The following GALNT9 variants were observed in gnomAD, a reference collection of about 807,000 sequenced individuals.
GALNT9 encodes the protein GalNAc transferase 9.
In GALNT9, 47 loss-of-function variants were observed where a neutral mutation model predicts 63.1. The observed-to-expected ratio is 0.75, with a 90% CI of 0.59 to 0.95. The LOEUF (loss-of-function observed/expected upper bound fraction) is 0.95, where lower values mean the gene tolerates loss of function less well. Among genes scored for constraint, GALNT9 ranks in the 40% least tolerant of loss-of-function variants. GALNT9 has a pLI of 0.00. For synonymous variants in GALNT9, 396 were observed against 365.7 expected, an observed-to-expected ratio of 1.08 and a Z score of -0.94; for missense variants, 829 against 874.8, an observed-to-expected ratio of 0.95 and a Z score of 0.66.
At chr12:132,292,666 G>T (rs1555242899) in intron 1 of GALNT9, among the ~76,000 whole-genome samples, 1 of 152,224 alleles carries the variant, frequency 6.6e-6, no homozygotes, top group Non-Finnish European at 1.5e-5. Context: ...CGGACACCAG[G>T]CTCCACTGCC....
At chr12:132,262,898 G>T (rs557213182) in intron 2 of GALNT9, among the ~76,000 whole-genome samples, 1 of 152,196 alleles carries the variant, frequency 6.6e-6, no homozygotes, top group South Asian at 2.1e-4. Context: ...CGCCAAGGGT[G>T]TACGGGGGCC....
At chr12:132,293,357 C>T (rs1353770996) in intron 1 of GALNT9, among the ~76,000 whole-genome samples, 1 of 152,248 alleles carries the variant, frequency 6.6e-6, no homozygotes, top group African/African-American at 2.4e-5. Context: ...CCTCTGGCCA[C>T]AGGCTTTCCC....
At chr12:132,239,473 CAAAG>C (rs1878146020) in intron 6 of GALNT9, among the ~76,000 whole-genome samples, 2 of 141,160 alleles carry the variant, frequency 1.4e-5, no homozygotes, top group South Asian at 4.6e-4. Flanking sequence ...GACAGAGAGA[CAAAG>C]AGACAGAGAT....
chr12:132,237,434 CCTG>C (rs2136895397), intron 6 of GALNT9, among the ~76,000 whole-genome samples: 2 of 152,012 alleles, frequency 1.3e-5, no homozygotes, highest in Non-Finnish European at 2.9e-5. Context: ...CCTTCTGACA[CCTG>C]CTTTTACCTG....
intron 6 of GALNT9, among the ~76,000 whole-genome samples, chr12:132,208,698 G>T (rs1461885229): frequency 6.6e-6 from 1 of 152,198 alleles, no homozygotes; most frequent in Non-Finnish European, 1.5e-5. Context: ...CCAGCTGAGA[G>T]CAGAGCCGCT....
chr12:132,213,849 C>A (rs894175771), intron 6 of GALNT9, among the ~76,000 whole-genome samples: 1 of 152,260 alleles, frequency 6.6e-6, no homozygotes, highest in South Asian at 2.1e-4. Context: ...AAAGAAAGAG[C>A]CTCGACTGCA....
Position 132,207,833 on chromosome 12 carries a change from C to T in GALNT9, c.1078-4143G>A, listed in dbSNP as rs369271769. Among the ~76,000 whole-genome samples, 17 of 152,254 alleles carry T rather than the reference C, an allele frequency of 1.1e-4. No individual in the cohort carries two copies. The East Asian group carries it at 1.4e-3, about 12-fold the overall frequency. Reference sequence around the variant, plus strand: ...GCCATTAGCTCAGGAGTGATAAAGTCGGAGAGTGAACCCCCATGCCCTCAG... The same window carrying T: ...GCCATTAGCTCAGGAGTGATAAAGTTGGAGAGTGAACCCCCATGCCCTCAG... On this transcript the variant is annotated intron_variant, in intron 6 of 10. Transcript: ENST00000328957.
intron 1 of GALNT9, among the ~76,000 whole-genome samples, chr12:132,290,364 C>A (rs146163392): frequency 0.021 from 3,219 of 152,264 alleles, 42 homozygotes; most frequent in Middle Eastern, 0.092. Context: ...CCCACCCCTG[C>A]GGCACCATGG....
intron 6 of GALNT9, among the ~76,000 whole-genome samples, chr12:132,216,300 CAG>C (rs1249096082): frequency 3.3e-5 from 5 of 152,212 alleles, no homozygotes; most frequent in African/African-American, 1.2e-4. Flanking sequence ...GACAGAGAGA[CAG>C]AGAGAGGGGC....
intron 6 of GALNT9, among the ~76,000 whole-genome samples, chr12:132,211,541 C>T (rs1483669636): frequency 6.6e-6 from 1 of 152,266 alleles, no homozygotes; most frequent in South Asian, 2.1e-4. Context: ...TGGCCAGAAA[C>T]AGCCGTGTAT....
chr12:132,297,775 A>G (rs1326850534), intron 1 of GALNT9, among the ~76,000 whole-genome samples: 26 of 149,750 alleles, frequency 1.7e-4, no homozygotes, highest in African/African-American at 6.2e-4. Context: ...AGACAACCAA[A>G]CCGATCCCAC....
intron 2 of GALNT9, among the ~76,000 whole-genome samples, chr12:132,267,834 C>T (rs1329025087): frequency 6.7e-6 from 1 of 149,742 alleles, no homozygotes; most frequent in African/African-American, 2.5e-5. Flanking sequence ...TGCAGTCACA[C>T]ACATGCATAC....
intron 2 of GALNT9, chr12:132,278,044 C>A (rs1268460174): frequency 7.1e-6 from 1 of 139,982 alleles, no homozygotes; most frequent in Non-Finnish European, 1.6e-5. Context: ...TTTCTAAACT[C>A]CTCCTCCCCA....
chr12:132,293,008 G>T (rs1555242916), intron 1 of GALNT9, among the ~76,000 whole-genome samples: 1 of 152,216 alleles, frequency 6.6e-6, no homozygotes, highest in Non-Finnish European at 1.5e-5. Flanking sequence ...ACACTTGAAG[G>T]GGTATTTGGG....
At chr12:132,264,742 G>A (rs1166817868) in intron 2 of GALNT9, among the ~76,000 whole-genome samples, 7 of 152,228 alleles carry the variant, frequency 4.6e-5, no homozygotes, top group Admixed American at 4.6e-4. Context: ...AGGAAATAGG[G>A]CACTCAGATT....
At chr12:132,259,249 G>A (rs563480753) in intron 4 of GALNT9, among the ~76,000 whole-genome samples, 3 of 152,166 alleles carry the variant, frequency 2.0e-5, no homozygotes, top group Admixed American at 1.3e-4. Flanking sequence ...AATTTGGACC[G>A]GTTTAAAATT....
At chr12:132,214,079 A>C (rs945804158) in intron 6 of GALNT9, among the ~76,000 whole-genome samples, 1 of 152,158 alleles carries the variant, frequency 6.6e-6, no homozygotes, top group Non-Finnish European at 1.5e-5. Context: ...GAAAGCCGGG[A>C]CACCACCCTC....
At position 132,196,461 on chromosome 12, in the gene GALNT9, C is replaced by A. The variant is rs550280202; in HGVS notation, c.*646G>T. The stretch of plus-strand genomic sequence containing the variant: ...CCAGGTGCCTGGGAAAGAGGTGGGA[C>A]CGGGCCCCAACCCCCAGCTCGGCTC... On this transcript the variant is annotated 3_prime_UTR_variant, in exon 11 of 11. Transcript: ENST00000328957. 5 of 985,542 alleles carry A rather than the reference C, an allele frequency of 5.1e-6. No individual in the cohort carries two copies. The highest frequency in any genetic ancestry group is 6.0e-6 in the Non-Finnish European group (5 of 830,016). 61.0% of individuals were successfully genotyped at this position (985,542 alleles called of 1,614,324 possible).
chr12:132,213,908 A>C (rs1877075585), intron 6 of GALNT9, among the ~76,000 whole-genome samples: 2 of 152,216 alleles, frequency 1.3e-5, no homozygotes, highest in African/African-American at 4.8e-5. Flanking sequence ...CCGGTCACGG[A>C]GCAGCCCTGG....
Sources: allele counts gnomAD v4.1 joint callset (sites outside exome capture counted in the v4.1 genomes callset), GRCh38; gene constraint gnomAD v4.1.1; transcripts MANE v1.5; gene names NCBI Gene and HGNC (gene_info 2026-07-23, HGNC 2026-07-21).